GABRR2: variants seen among roughly 807,000 people sequenced by gnomAD.
GABRR2 encodes gamma-aminobutyric acid receptor subunit rho-2.
GABRR2 carries 36 observed loss-of-function variants against 47.0 expected under a neutral mutation model. The observed-to-expected ratio is 0.77, with a 90% CI of 0.59 to 1.01. The LOEUF (loss-of-function observed/expected upper bound fraction) is 1.01. Ranked by LOEUF, GABRR2 falls within the 50% of genes least tolerant of loss-of-function variation. The probability of loss-of-function intolerance (pLI) is 0.00; values close to 1 mark genes in which losing one functional copy is unlikely to be tolerated. For synonymous variants in GABRR2, 204 were observed against 227.5 expected, an observed-to-expected ratio of 0.90 and a Z score of 0.93; for missense variants, 587 against 594.6, an observed-to-expected ratio of 0.99 and a Z score of 0.13.
At chr6:89,296,982 G>GT (rs1331142456) in intron 2 of GABRR2, among the ~76,000 whole-genome samples, 1 of 152,190 alleles carries the variant, frequency 6.6e-6, no homozygotes, top group Non-Finnish European at 1.5e-5. Flanking sequence ...TACTGACCAG[G>GT]TGATGGCCCA....
chr6:89,313,190 C>G (rs1457047931), intron 1 of GABRR2, among the ~76,000 whole-genome samples: 1 of 152,204 alleles, frequency 6.6e-6, no homozygotes, highest in Admixed American at 6.5e-5. Flanking sequence ...CAGCATCTGT[C>G]AAATGAGTTG....
chr6:89,310,220 A>T (rs746363947), intron 1 of GABRR2, among the ~76,000 whole-genome samples: 1 of 152,108 alleles, frequency 6.6e-6, no homozygotes, highest in Non-Finnish European at 1.5e-5. Flanking sequence ...ACTCTTCCAA[A>T]TAGCCATCTT....
At chr6:89,311,100 A>G (rs1767673930) in intron 1 of GABRR2, among the ~76,000 whole-genome samples, 2 of 152,172 alleles carry the variant, frequency 1.3e-5, no homozygotes, top group African/African-American at 4.8e-5. Context: ...CCAGGAGTCA[A>G]GTGGGGCCAG....
At chr6:89,285,508 G>C (rs1028881774) in intron 2 of GABRR2, among the ~76,000 whole-genome samples, 3 of 152,208 alleles carry the variant, frequency 2.0e-5, no homozygotes, top group East Asian at 3.9e-4. Context: ...GGCTGCACTC[G>C]ATCTGTGGCT....
At chr6:89,298,544 G>A (rs1774595337) in intron 2 of GABRR2, among the ~76,000 whole-genome samples, 1 of 152,164 alleles carries the variant, frequency 6.6e-6, no homozygotes, top group Non-Finnish European at 1.5e-5. Flanking sequence ...GAGGATCAAG[G>A]GCAGAGAAAA....
chr6:89,270,754 C>T (rs1415455868), intron 3 of GABRR2, among the ~76,000 whole-genome samples: 4 of 152,130 alleles, frequency 2.6e-5, no homozygotes, highest in Non-Finnish European at 5.9e-5. Flanking sequence ...GGAGCCTCCC[C>T]GACTTTTATT....
chr6:89,280,891 A>G (rs1357270509), intron 2 of GABRR2, among the ~76,000 whole-genome samples: 1 of 152,270 alleles, frequency 6.6e-6, no homozygotes, highest in Non-Finnish European at 1.5e-5. Flanking sequence ...TTTCCCAAGG[A>G]AATGCTGTGC....
Position 89,257,496 on chromosome 6 carries a change from G to A in GABRR2, c.*174C>T, listed in dbSNP as rs80157952. ...CATGGAGCAGCCCCACGGGGTCTGG[G>A]GTCAGGGCAGCTGGAAGGCTCCTGG... On this transcript the variant is annotated 3_prime_UTR_variant, in exon 9 of 9. Transcript: ENST00000402938. 2,025 of 610,768 alleles carry A rather than the reference G, an allele frequency of 3.3e-3. 29 individuals are homozygous for A. The African/African-American group carries it at 0.034, about 10-fold the overall frequency. The allele number at this position is 610,768 out of a possible 1,614,324, so 37.8% of individuals were successfully genotyped here. A position where few individuals can be genotyped will look rare whatever the true frequency, so the allele number is the denominator to read the frequency against.
chr6:89,299,410 A>G (rs1774610157), intron 2 of GABRR2, among the ~76,000 whole-genome samples: 1 of 152,140 alleles, frequency 6.6e-6, no homozygotes, highest in Non-Finnish European at 1.5e-5. Flanking sequence ...CTCTGCCTTC[A>G]TGGGCCTCTT....
intron 7 of GABRR2, 35 bp downstream of exon 7, chr6:89,265,575 AAAT>A (rs1773871140): frequency 1.3e-6 from 2 of 1,560,136 alleles, no homozygotes; most frequent in South Asian, 2.4e-5. Flanking sequence ...AAGTTGAAAA[AAAT>A]AACCACCCTA....
At chr6:89,288,815 A>C (rs1774386248) in intron 2 of GABRR2, among the ~76,000 whole-genome samples, 1 of 152,002 alleles carries the variant, frequency 6.6e-6, no homozygotes, top group African/African-American at 2.4e-5. Context: ...CTAATTTTAA[A>C]AAATTATTTT....
intron 2 of GABRR2, among the ~76,000 whole-genome samples, chr6:89,291,805 T>A (rs1386336480): frequency 6.6e-6 from 1 of 152,196 alleles, no homozygotes; most frequent in Non-Finnish European, 1.5e-5. Flanking sequence ...AATATTTCAT[T>A]TCATGCAAAG....
Position 89,257,718 on chromosome 6 carries a change from A to C in GABRR2, c.1350T>G (p.Pro450=). ...TTAAGTTGAAAAATATGTAGGAGGCAGGGAATATCAACCTAGAGTATTTGT... is the reference window on the plus strand; with the variant it reads ...TTAAGTTGAAAAATATGTAGGAGGCCGGGAATATCAACCTAGAGTATTTGT... ...AIDKYSRLIF[P]ASYIFFNLIY... is the part of the protein sequence containing the mutation. Residue 450 remains proline, a synonymous_variant, in exon 9 of 9, where the codon CCT becomes CCG. Transcript: ENST00000402938. 1 of 1,613,944 alleles carries C rather than the reference A, an allele frequency of 6.2e-7. No homozygotes were observed. The highest frequency in any genetic ancestry group is 8.5e-7 in the Non-Finnish European group (1 of 1,179,846).
intron 6 of GABRR2, among the ~76,000 whole-genome samples, chr6:89,266,085 C>T (rs1414285753): frequency 1.3e-5 from 2 of 152,136 alleles, no homozygotes; most frequent in African/African-American, 2.4e-5. Context: ...GTTTTTGAGA[C>T]AGGGTCTTGC....
intron 2 of GABRR2, among the ~76,000 whole-genome samples, chr6:89,297,829 G>T (rs1367141557): frequency 6.6e-6 from 1 of 152,168 alleles, no homozygotes; most frequent in East Asian, 1.9e-4. Flanking sequence ...CTCCAGCCTA[G>T]GTGACAAAGT....
At chr6:89,260,400 T>C (rs1395332524) in intron 8 of GABRR2, among the ~76,000 whole-genome samples, 1 of 152,182 alleles carries the variant, frequency 6.6e-6, no homozygotes, top group Non-Finnish European at 1.5e-5. Flanking sequence ...TACCAAAAAT[T>C]AGGATAAAAC....
chr6:89,281,902 T>C (rs773329182), intron 2 of GABRR2, among the ~76,000 whole-genome samples: 6 of 152,152 alleles, frequency 3.9e-5, no homozygotes, highest in Admixed American at 6.5e-5. Context: ...CCGGAGCCTA[T>C]GTTGGTCTGC....
chr6:89,313,975 C>A (rs547779047), intron 1 of GABRR2, among the ~76,000 whole-genome samples: 2 of 149,686 alleles, frequency 1.3e-5, no homozygotes, highest in African/African-American at 4.9e-5. Context: ...GCAGTTGCCA[C>A]TGGGATACTG....
At chr6:89,302,862 C>T in intron 1 of GABRR2, 1 of 1,302,248 alleles carries the variant, frequency 7.7e-7, no homozygotes, top group Non-Finnish European at 1.1e-6. Context: ...GTCTTCCACC[C>T]TCATCAGCAA....
Sources: allele counts gnomAD v4.1 joint callset (sites outside exome capture counted in the v4.1 genomes callset), GRCh38; gene constraint gnomAD v4.1.1; transcripts MANE v1.5; gene names NCBI Gene and HGNC (gene_info 2026-07-23, HGNC 2026-07-21).